Variants in AMPH observed in about 807,000 individuals in gnomAD.
The protein encoded by AMPH is amphiphysin (Stiff-Mann syndrome with breast cancer 128kD autoantigen).
AMPH carries 49 observed loss-of-function variants against 99.1 expected under a neutral mutation model. That is an observed-to-expected ratio of 0.49 (90% CI 0.39 to 0.63). The LOEUF is 0.63. Ranked by LOEUF, AMPH falls within the 20% of genes least tolerant of loss-of-function variation. AMPH has a pLI of 0.00. For synonymous variants in AMPH, 314 were observed against 317.3 expected (o/e 0.99, Z 0.11); for missense variants, 759 against 863.4 (o/e 0.88, Z 1.52).
intron 1 of AMPH, among the ~76,000 whole-genome samples, chr7:38,585,285 G>A (rs1792604849): frequency 6.6e-6 from 1 of 152,140 alleles, no homozygotes; most frequent in Non-Finnish European, 1.5e-5. Context: ...GGTCTGACTC[G>A]AGGTGGATGC....
intron 7 of AMPH, among the ~76,000 whole-genome samples, chr7:38,467,525 G>A (rs973385199): frequency 6.6e-6 from 1 of 151,922 alleles, no homozygotes; most frequent in African/African-American, 2.4e-5. Flanking sequence ...CTCAACAAAG[G>A]ACCTATCCAA....
intron 17 of AMPH, among the ~76,000 whole-genome samples, chr7:38,407,048 C>CTCTCTCTCTA (rs1241166935): frequency 4.8e-4 from 15 of 31,224 alleles, no homozygotes; most frequent in African/African-American, 5.7e-4. Flanking sequence ...CTCTCTCTCT[C>CTCTCTCTCTA]TATATATATA....
At chr7:38,579,895 G>A (rs973446917) in intron 1 of AMPH, among the ~76,000 whole-genome samples, 2 of 152,102 alleles carry the variant, frequency 1.3e-5, no homozygotes, top group Non-Finnish European at 1.5e-5. Context: ...AAACACAAAA[G>A]ATCAAGAAAA....
intron 1 of AMPH, among the ~76,000 whole-genome samples, chr7:38,593,864 G>A (rs1311846355): frequency 2.6e-5 from 4 of 152,182 alleles, no homozygotes; most frequent in East Asian, 1.9e-4. Flanking sequence ...GAAGCTAGAC[G>A]GGAGAGAAAA....
At chr7:38,618,839 G>A (rs376826389) in intron 1 of AMPH, among the ~76,000 whole-genome samples, 2 of 152,048 alleles carry the variant, frequency 1.3e-5, no homozygotes, top group Non-Finnish European at 2.9e-5. Context: ...AAGCAACAAA[G>A]AGAAATAAGA....
At chr7:38,449,982 G>A (rs1373977296) in intron 11 of AMPH, among the ~76,000 whole-genome samples, 1 of 152,098 alleles carries the variant, frequency 6.6e-6, no homozygotes, top group East Asian at 1.9e-4. Flanking sequence ...AATTGGCTAG[G>A]GAAAACAGCA....
chr7:38,582,461 G>A (rs1322492677), intron 1 of AMPH, among the ~76,000 whole-genome samples: 3 of 152,182 alleles, frequency 2.0e-5, no homozygotes, highest in Non-Finnish European at 2.9e-5. Context: ...AGCTTTCCAT[G>A]CATCAACAGA....
intron 20 of AMPH, among the ~76,000 whole-genome samples, chr7:38,388,038 A>G (rs1471899404): frequency 1.1e-4 from 16 of 152,154 alleles, no homozygotes; most frequent in Admixed American, 1.0e-3. Context: ...AGAATAATAA[A>G]GACATTTTCA....
intron 1 of AMPH, among the ~76,000 whole-genome samples, chr7:38,562,080 G>A (rs1338308684): frequency 6.6e-6 from 1 of 151,900 alleles, no homozygotes; most frequent in East Asian, 1.9e-4. Context: ...AGTGAGATAG[G>A]TGGAAATGAA....
At chr7:38,583,512 T>C (rs6951880) in intron 1 of AMPH, among the ~76,000 whole-genome samples, 9,733 of 152,298 alleles carry the variant, frequency 0.064, 359 homozygotes, top group East Asian at 0.12. Context: ...AAAGGATTTA[T>C]TGAGACAATA....
At chr7:38,445,128 T>C (rs148243719) in intron 11 of AMPH, among the ~76,000 whole-genome samples, 1 of 143,752 alleles carries the variant, frequency 7.0e-6, no homozygotes, top group East Asian at 1.9e-4. Flanking sequence ...ATTGGTTGTC[T>C]GATTTTCCAC....
intron 2 of AMPH, among the ~76,000 whole-genome samples, chr7:38,520,981 G>A (rs1789935723): frequency 6.6e-6 from 1 of 152,160 alleles, no homozygotes; most frequent in Non-Finnish European, 1.5e-5. Flanking sequence ...TGGCTGATAA[G>A]CAGTTGAGCT....
At chr7:38,514,996 C>A (rs764909193) in intron 2 of AMPH, among the ~76,000 whole-genome samples, 1 of 152,036 alleles carries the variant, frequency 6.6e-6, no homozygotes, top group Non-Finnish European at 1.5e-5. Context: ...CTCGTGAGGG[C>A]TCAGAAGAGG....
chr7:38,625,049 CCACCACA>C (rs1794196855), intron 1 of AMPH, among the ~76,000 whole-genome samples: 1 of 152,098 alleles, frequency 6.6e-6, no homozygotes, highest in African/African-American at 2.4e-5. Flanking sequence ...GGACCTGGTC[CCACCACA>C]CACCACACAC....
chr7:38,387,157 A>G (rs1449099851), intron 20 of AMPH, among the ~76,000 whole-genome samples: 1 of 152,252 alleles, frequency 6.6e-6, no homozygotes, highest in African/African-American at 2.4e-5. Flanking sequence ...AACAAAAATA[A>G]GCAATTTTCA....
intron 4 of AMPH, 39 bp downstream of exon 4, chr7:38,494,394 G>C (rs779034058): frequency 6.4e-7 from 1 of 1,551,636 alleles, no homozygotes; most frequent in East Asian, 2.2e-5. Flanking sequence ...GACTGAGCAA[G>C]GGTCGTGGGA....
At chr7:38,482,606 AGATCT>A (rs1788329441) in intron 5 of AMPH, among the ~76,000 whole-genome samples, 1 of 152,118 alleles carries the variant, frequency 6.6e-6, no homozygotes, top group Non-Finnish European at 1.5e-5. Flanking sequence ...ACAATAACTA[AGATCT>A]TCCCATTTTA....
chr7:38,508,004 T>C (rs1789395094), intron 2 of AMPH, among the ~76,000 whole-genome samples: 1 of 152,234 alleles, frequency 6.6e-6, no homozygotes, highest in Admixed American at 6.5e-5. Context: ...TAAATACATA[T>C]GCCAAGACTT....
chr7:38,564,941 G>T (rs1407483806), intron 1 of AMPH, among the ~76,000 whole-genome samples: 1 of 151,996 alleles, frequency 6.6e-6, no homozygotes, highest in Admixed American at 6.5e-5. Context: ...TGGCTAACAC[G>T]GTGAAACCCT....
Sources: gnomAD v4.1 joint callset for allele counts (sites outside exome capture counted in the v4.1 genomes callset) on GRCh38, gnomAD v4.1.1 for gene constraint, MANE v1.5 for transcripts, NCBI Gene and HGNC (gene_info 2026-07-23, HGNC 2026-07-21) for gene names.